CDH13: variants seen among roughly 807,000 people sequenced by gnomAD.
The protein encoded by CDH13 is cadherin-13.
A neutral mutation model predicts 63.8 loss-of-function variants in CDH13; 24 were observed. That is an observed-to-expected ratio of 0.38 (90% CI 0.27 to 0.53). CDH13 has a LOEUF of 0.53. Ranked by LOEUF, CDH13 falls within the 20% of genes least tolerant of loss-of-function variation. The pLI is 0.85. For synonymous variants in CDH13, 503 were observed against 355.3 expected (o/e 1.42, Z -4.67); for missense variants, 1,049 against 903.1 (o/e 1.16, Z -2.07).
intron 1 of CDH13, among the ~76,000 whole-genome samples, chr16:82,845,266 T>C (rs2039209406): frequency 6.6e-6 from 1 of 152,184 alleles, no homozygotes; most frequent in Non-Finnish European, 1.5e-5. Flanking sequence ...GGTGGGAGCA[T>C]TCAGCCAGCT....
intron 3 of CDH13, among the ~76,000 whole-genome samples, chr16:83,076,460 C>G: frequency 6.6e-6 from 1 of 152,096 alleles, no homozygotes; most frequent in Non-Finnish European, 1.5e-5. Context: ...GGAGCCTGTC[C>G]TGACATTTCA....
At chr16:83,694,756 C>T (rs1373404163) in intron 10 of CDH13, among the ~76,000 whole-genome samples, 15 of 152,152 alleles carry the variant, frequency 9.9e-5, no homozygotes. Context: ...GGCAGACCAT[C>T]AGGGCAAGAG....
chr16:83,033,358 G>T lies in CDH13; in HGVS notation c.366+1140G>T, dbSNP rs551110867. On this transcript the variant is annotated intron_variant, in intron 3 of 13. Transcript: ENST00000567109. The stretch of plus-strand genomic sequence containing the variant: ...ATATGTATACATTTGCATTTAACAG[G>T]TCATAGGTATCTCAGAGATAAGCTG... Among the ~76,000 whole-genome samples the T allele has an allele frequency of 8.6e-5, 13 of 151,418 alleles. No homozygotes were observed. The South Asian group carries it at 1.7e-3, about 20-fold the overall frequency.
intron 5 of CDH13, among the ~76,000 whole-genome samples, chr16:83,238,010 A>T (rs1400513367): frequency 6.6e-6 from 1 of 152,184 alleles, no homozygotes; most frequent in East Asian, 1.9e-4. Context: ...TCTGATGCCA[A>T]AGCCCATTTG....
chr16:83,788,315 C>T (rs1182724051), intron 13 of CDH13, among the ~76,000 whole-genome samples: 2 of 152,168 alleles, frequency 1.3e-5, no homozygotes, highest in African/African-American at 4.8e-5. Flanking sequence ...TACAGATTTC[C>T]AGGCCCATCC....
At chr16:83,182,938 C>G (rs924337702) in intron 4 of CDH13, among the ~76,000 whole-genome samples, 2 of 151,840 alleles carry the variant, frequency 1.3e-5, no homozygotes, top group African/African-American at 4.8e-5. Flanking sequence ...ATTAGATGTT[C>G]AGTGTAACTC....
At chr16:82,839,984 A>G (rs1567588282) in intron 1 of CDH13, among the ~76,000 whole-genome samples, 1 of 152,216 alleles carries the variant, frequency 6.6e-6, no homozygotes, top group African/African-American at 2.4e-5. Context: ...AATTTCAAGT[A>G]ATTGAACTTC....
At chr16:83,411,176 T>C (rs1158869486) in intron 6 of CDH13, among the ~76,000 whole-genome samples, 1 of 152,056 alleles carries the variant, frequency 6.6e-6, no homozygotes, top group Non-Finnish European at 1.5e-5. Context: ...ACACAATTGC[T>C]CCTTTAGCCT....
At position 83,799,195 on chromosome 16, in the gene CDH13, C is replaced by T. The variant is rs1456461840; in HGVS notation, c.*4165C>T. On this transcript the variant is annotated 3_prime_UTR_variant, in exon 14 of 14. Coordinates refer to ENST00000567109, the MANE Select transcript of CDH13 (RefSeq NM_001257.5). Reference sequence around the variant, plus strand: ...GGGTGTGGTGGTGCACACCTGAAACCCCAGCTACTCAGGAGGCTGAGGCAG... The same window carrying T: ...GGGTGTGGTGGTGCACACCTGAAACTCCAGCTACTCAGGAGGCTGAGGCAG... 1 of 151,662 alleles carries T rather than the reference C, an allele frequency of 6.6e-6. No individual in the cohort carries two copies. Among genetic ancestry groups the T allele is most frequent in the East Asian group, 1.9e-4 (1 of 5,184 alleles). 9.4% of individuals were successfully genotyped at this position (151,662 alleles called of 1,614,324 possible). A position where few individuals can be genotyped will look rare whatever the true frequency, so the allele number is the denominator to read the frequency against.
In CDH13 at chr16:82,858,660, G is replaced by GT. The variant is rs2039804891; in HGVS notation, c.157+188dup. On this transcript the variant is annotated intron_variant, in intron 2 of 13. Transcript: ENST00000567109. ...CCTGGCCAACTTAGAGGTTAATAGA[G>GT]TGATATGCATCTCTTTTTAGTATTT... is the stretch of plus-strand genomic sequence containing the variant. 16 of 632,782 alleles carry GT rather than the reference G, an allele frequency of 2.5e-5. No homozygotes were observed. The South Asian group carries it at 3.0e-4, about 12-fold the overall frequency. The allele number at this position is 632,782 out of a possible 1,614,324, so 39.2% of individuals were successfully genotyped here. A position where few individuals can be genotyped will look rare whatever the true frequency, so the allele number is the denominator to read the frequency against.
At position 83,783,418 on chromosome 16, in the gene CDH13, G is replaced by C; in HGVS notation, c.2080G>C (p.Ala694Pro). The change falls in exon 13 of 14, where the codon GCC (alanine) becomes CCC (proline). Residue 694 changes from alanine (A) to proline (P), a missense_variant. By Grantham distance (27) the Ala-to-Pro change is conservative (BLOSUM62 -1). Transcript: ENST00000567109. The stretch of plus-strand genomic sequence containing the variant: ...CAAAGTGGACTGCAACGCGGCAGGG[G>C]CCCTGCGCTTCAGCCTGCCCTCAGT... ...NSKVDCNAAG[A>P]LRFSLPSVLL... is the part of the protein sequence containing the mutation. 1.2e-6 allele frequency: 2 copies of C among 1,614,008 alleles called. No individual in the cohort carries two copies. The highest frequency in any genetic ancestry group is 1.7e-6 in the Non-Finnish European group (2 of 1,179,888).
At chr16:83,080,675 T>C (rs919624276) in intron 3 of CDH13, among the ~76,000 whole-genome samples, 3 of 152,104 alleles carry the variant, frequency 2.0e-5, no homozygotes, top group African/African-American at 4.8e-5. Context: ...AAAGTCTGCT[T>C]GTGTCTTACA....
At chr16:82,843,460 G>A (rs1567592037) in intron 1 of CDH13, among the ~76,000 whole-genome samples, 1 of 152,202 alleles carries the variant, frequency 6.6e-6, no homozygotes, top group Non-Finnish European at 1.5e-5. Context: ...CTCCGACCCA[G>A]GGGAAGATAT....
chr16:83,026,993 T>A (rs1306304921), intron 2 of CDH13, among the ~76,000 whole-genome samples: 1 of 151,922 alleles, frequency 6.6e-6, no homozygotes, highest in Non-Finnish European at 1.5e-5. Context: ...GTTCTTCATT[T>A]CCTTGTACTC....
chr16:83,074,799 G>A (rs570936606), intron 3 of CDH13, among the ~76,000 whole-genome samples: 1 of 152,332 alleles, frequency 6.6e-6, no homozygotes, highest in South Asian at 2.1e-4. Flanking sequence ...GCTTAAGTGA[G>A]TTCCTGATAA....
At chr16:82,798,257 C>G (rs2036684313) in intron 1 of CDH13, among the ~76,000 whole-genome samples, 1 of 152,182 alleles carries the variant, frequency 6.6e-6, no homozygotes, top group South Asian at 2.1e-4. Flanking sequence ...AAAACAAGTA[C>G]ATCAAAGCAG....
chr16:82,706,314 A>G (rs1171516045), intron 1 of CDH13, among the ~76,000 whole-genome samples: 1 of 152,206 alleles, frequency 6.6e-6, no homozygotes, highest in Non-Finnish European at 1.5e-5. Context: ...AGTTAACAAG[A>G]TAAGAAAAAT....
At chr16:83,464,845 G>A (rs576512785) in intron 6 of CDH13, among the ~76,000 whole-genome samples, 1 of 152,126 alleles carries the variant, frequency 6.6e-6, no homozygotes, top group East Asian at 1.9e-4. Context: ...GTTTCACCAA[G>A]TTGCCCAGGT....
At chr16:83,278,782 C>T (rs1244497968) in intron 5 of CDH13, among the ~76,000 whole-genome samples, 1 of 152,148 alleles carries the variant, frequency 6.6e-6, no homozygotes, top group Non-Finnish European at 1.5e-5. Flanking sequence ...GATTCGCATT[C>T]TGTGAAGAAC....
Sources: allele counts gnomAD v4.1 joint callset (sites outside exome capture counted in the v4.1 genomes callset), GRCh38; gene constraint gnomAD v4.1.1; transcripts MANE v1.5; gene names NCBI Gene and HGNC (gene_info 2026-07-23, HGNC 2026-07-21).